The following FGF12 variants were observed in gnomAD, a reference collection of about 807,000 sequenced individuals.
The protein encoded by FGF12 is fibroblast growth factor 12B.
In FGF12, 14 loss-of-function variants were observed where a neutral mutation model predicts 23.6. The observed-to-expected ratio is 0.59, with a 90% CI of 0.39 to 0.93. The LOEUF (loss-of-function observed/expected upper bound fraction) is 0.93, where lower values mean the gene tolerates loss of function less well. FGF12 is among the 40% of genes least tolerant of loss of function. The probability of loss-of-function intolerance (pLI) is 0.00; values close to 1 mark genes in which losing one functional copy is unlikely to be tolerated. For missense variants in FGF12, 175 were observed against 217.8 expected, an observed-to-expected ratio of 0.80 and a Z score of 1.24; for synonymous variants, 62 against 77.3, an observed-to-expected ratio of 0.80 and a Z score of 1.04.
intron 4 of FGF12, among the ~76,000 whole-genome samples, chr3:192,331,890 A>C (rs950084794): frequency 1.3e-5 from 2 of 152,140 alleles, no homozygotes; most frequent in Non-Finnish European, 2.9e-5. Context: ...TCTACTCAGA[A>C]TTGTATAACT....
At chr3:192,503,255 G>A (rs1049834784) in intron 2 of FGF12, among the ~76,000 whole-genome samples, 27 of 152,164 alleles carry the variant, frequency 1.8e-4, no homozygotes, top group African/African-American at 6.3e-4. Context: ...AGGTTAATGA[G>A]GTCAAAAATT....
At chr3:192,647,703 GTATATATACA>G (rs1012336107) in intron 2 of FGF12, among the ~76,000 whole-genome samples, 1 of 145,726 alleles carries the variant, frequency 6.9e-6, no homozygotes, top group Non-Finnish European at 1.5e-5. Context: ...GTATATATGT[GTATATATACA>G]TATATATATA....
intron 2 of FGF12, among the ~76,000 whole-genome samples, chr3:192,679,206 G>C (rs1717432848): frequency 6.6e-6 from 1 of 152,204 alleles, no homozygotes; most frequent in Non-Finnish European, 1.5e-5. Flanking sequence ...AGCAGGGTAA[G>C]TCTGGGATGC....
At chr3:192,484,819 C>T (rs1187073187) in intron 2 of FGF12, among the ~76,000 whole-genome samples, 2 of 152,180 alleles carry the variant, frequency 1.3e-5, no homozygotes, top group African/African-American at 4.8e-5. Context: ...GCTCCCGGAA[C>T]TGTGCAACTT....
intron 2 of FGF12, among the ~76,000 whole-genome samples, chr3:192,536,826 G>A (rs1047743263): frequency 6.6e-6 from 1 of 151,750 alleles, no homozygotes; most frequent in Non-Finnish European, 1.5e-5. Context: ...TATAGTTTTA[G>A]TTAATTTTAA....
At chr3:192,313,454 T>A (rs1716063831) in intron 4 of FGF12, among the ~76,000 whole-genome samples, 2 of 152,204 alleles carry the variant, frequency 1.3e-5, no homozygotes, top group Non-Finnish European at 2.9e-5. Context: ...TTCCCATCTA[T>A]TGAAATCGAA....
At chr3:192,174,150 C>T (rs1715730805) in intron 4 of FGF12, among the ~76,000 whole-genome samples, 1 of 152,186 alleles carries the variant, frequency 6.6e-6, no homozygotes, top group African/African-American at 2.4e-5. Context: ...TGTATAATTA[C>T]TACATTGTCA....
At chr3:192,252,321 G>A (rs1301958451) in intron 4 of FGF12, among the ~76,000 whole-genome samples, 5 of 151,638 alleles carry the variant, frequency 3.3e-5, no homozygotes, top group Non-Finnish European at 7.4e-5. Flanking sequence ...AATTAGCCAG[G>A]AGTGGTGGTA....
At chr3:192,645,115 T>C (rs907741422) in intron 2 of FGF12, among the ~76,000 whole-genome samples, 31 of 152,122 alleles carry the variant, frequency 2.0e-4, no homozygotes, top group African/African-American at 6.5e-4. Flanking sequence ...CCAAAGAAGC[T>C]TGGGGCTTGC....
intron 2 of FGF12, among the ~76,000 whole-genome samples, chr3:192,700,465 T>C (rs1054500067): frequency 3.9e-5 from 6 of 152,172 alleles, no homozygotes; most frequent in African/African-American, 1.4e-4. Flanking sequence ...ATTTCATTTT[T>C]AAAGATTTGT....
intron 3 of FGF12, among the ~76,000 whole-genome samples, chr3:192,342,419 G>A (rs1717736745): frequency 6.6e-6 from 1 of 152,088 alleles, no homozygotes; most frequent in African/African-American, 2.4e-5. Flanking sequence ...GTGATGCAAG[G>A]TTGGAGGGAA....
In FGF12 at chr3:192,183,724, T is replaced by C. The variant is rs369828049; in HGVS notation, c.229-13068A>G. Among the ~76,000 whole-genome samples, 13 of 152,326 alleles carry C rather than the reference T, an allele frequency of 8.5e-5. No homozygotes were observed. In the East Asian group the frequency reaches 1.7e-3, roughly 20 times the overall value. ...TCCTTGAAATCTAAAATTGCAAATA[T>C]GTAGTTTGACTCTTCACTTTACAGA... On this transcript the variant is annotated intron_variant, in intron 4 of 5. Coordinates refer to ENST00000445105, the MANE Select transcript of FGF12 (RefSeq NM_004113.6).
intron 2 of FGF12, among the ~76,000 whole-genome samples, chr3:192,463,639 T>G (rs1722925544): frequency 6.6e-6 from 1 of 152,058 alleles, no homozygotes; most frequent in South Asian, 2.1e-4. Context: ...CCCGACACCT[T>G]CCCAGCCCAG....
At chr3:192,372,376 C>T (rs184830431) in intron 2 of FGF12, among the ~76,000 whole-genome samples, 189 of 141,486 alleles carry the variant, frequency 1.3e-3, no homozygotes, top group Middle Eastern at 3.4e-3. Context: ...TTTTGTCTAT[C>T]ATCTTTTCAT....
intron 2 of FGF12, among the ~76,000 whole-genome samples, chr3:192,512,241 G>T (rs114859891): frequency 6.6e-6 from 1 of 151,822 alleles, no homozygotes; most frequent in Non-Finnish European, 1.5e-5. Context: ...TTATACATTT[G>T]CTCTGTGAAA....
At chr3:192,587,015 A>G (rs1713402041) in intron 2 of FGF12, among the ~76,000 whole-genome samples, 1 of 152,158 alleles carries the variant, frequency 6.6e-6, no homozygotes, top group South Asian at 2.1e-4. Context: ...CTTTTTTGGA[A>G]TCACTGACCC....
At chr3:192,301,436 G>A (rs1026458452) in intron 4 of FGF12, among the ~76,000 whole-genome samples, 1 of 152,148 alleles carries the variant, frequency 6.6e-6, no homozygotes, top group African/African-American at 2.4e-5. Flanking sequence ...TATGTGTCAG[G>A]TACCACATGC....
At chr3:192,580,404 C>T (rs1713084700) in intron 2 of FGF12, among the ~76,000 whole-genome samples, 1 of 151,642 alleles carries the variant, frequency 6.6e-6, no homozygotes, top group Non-Finnish European at 1.5e-5. Flanking sequence ...TGAAATCCAA[C>T]TCAATAATTT....
intron 2 of FGF12, among the ~76,000 whole-genome samples, chr3:192,636,783 T>C (rs1164041256): frequency 6.6e-6 from 1 of 152,182 alleles, no homozygotes; most frequent in Non-Finnish European, 1.5e-5. Context: ...AGCGATGTTA[T>C]CAGAGAGGAC....
Sources: allele counts gnomAD v4.1 joint callset (sites outside exome capture counted in the v4.1 genomes callset), GRCh38; gene constraint gnomAD v4.1.1; transcripts MANE v1.5; gene names NCBI Gene and HGNC (gene_info 2026-07-23, HGNC 2026-07-21).